Variants in MIEN1 observed in about 807,000 individuals in gnomAD.
MIEN1 encodes migration and invasion enhancer 1.
Under a neutral mutation model 15.5 loss-of-function variants are expected in MIEN1, and 12 were observed. The observed-to-expected ratio is 0.78, with a 90% CI of 0.50 to 1.26. The LOEUF (loss-of-function observed/expected upper bound fraction) is 1.26, where lower values mean the gene tolerates loss of function less well. MIEN1 is among the 50% of genes most tolerant of loss of function. The pLI, the probability that MIEN1 is intolerant of heterozygous loss-of-function variation, is 0.00. For missense variants in MIEN1, 160 were observed against 151.7 expected, an observed-to-expected ratio of 1.05 and a Z score of -0.29; for synonymous variants, 63 against 62.8, an observed-to-expected ratio of 1.00 and a Z score of -0.02.
In MIEN1 at chr17:39,728,702, T is replaced by C. The variant is rs2059906450; in HGVS notation, c.*820A>G. 4.4e-6 allele frequency: 1 copy of C among 227,794 alleles called. No individual in the cohort carries two copies. 14.1% of individuals were successfully genotyped at this position (227,794 alleles called of 1,614,324 possible). A position where few individuals can be genotyped will look rare whatever the true frequency, so the allele number is the denominator to read the frequency against. Reference sequence around the variant, plus strand: ...TCTGGGGGTGGCTCTGTGCCATCCCTTCCTGCTCACCTTACACTCAATTCC... The same window carrying C: ...TCTGGGGGTGGCTCTGTGCCATCCCCTCCTGCTCACCTTACACTCAATTCC... On this transcript the variant is annotated 3_prime_UTR_variant, in exon 4 of 4. Transcript: ENST00000394231.
chr17:39,729,732 G>T lies in MIEN1; in HGVS notation c.217C>A (p.Leu73Met). 1 of 1,614,098 alleles carries T rather than the reference G, an allele frequency of 6.2e-7. No individual in the cohort carries two copies. Among genetic ancestry groups the T allele is most frequent in the Non-Finnish European group, 8.5e-7 (1 of 1,179,986 alleles). Residue 73 changes from leucine to methionine, a missense_variant, in exon 3 of 4, where the codon CTG becomes ATG. By Grantham distance (15) the Leu-to-Met change is conservative. Coordinates refer to ENST00000394231, the MANE Select transcript of MIEN1 (RefSeq NM_032339.5). ...CCATTCTCCAGCTTGGAGAACACCA[G>T]CTGTCCATTTATCTCTATCTCAAAG... Reference protein sequence around the residue: ...GAFEIEINGQLVFSKLENGGF... With the variant: ...GAFEIEINGQMVFSKLENGGF...
rs2059908688 is a variant in MIEN1 at position 39,728,810 on chromosome 17, G to T, written c.*712C>A. The T allele has an allele frequency of 1.5e-5, 3 of 205,334 alleles. No homozygotes were observed. Among genetic ancestry groups the T allele is most frequent in the East Asian group, 7.4e-5 (1 of 13,584 alleles). 12.7% of individuals were successfully genotyped at this position (205,334 alleles called of 1,614,324 possible). A position where few individuals can be genotyped will look rare whatever the true frequency, so the allele number is the denominator to read the frequency against. Reference sequence around the variant, plus strand: ...ATCCAGTTCTCCAGCTTCAGGGTTGGGGGAGATCGGGAAGCTGGATTCAGA... The same window carrying T: ...ATCCAGTTCTCCAGCTTCAGGGTTGTGGGAGATCGGGAAGCTGGATTCAGA... On this transcript the variant is annotated 3_prime_UTR_variant, in exon 4 of 4. Transcript: ENST00000394231.
Position 39,729,745 on chromosome 17 carries a change from C to G in MIEN1, c.204G>C (p.Glu68Asp), listed in dbSNP as rs1313471954. Residue 68 changes from glutamate to aspartate, a missense_variant, in exon 3 of 4, where the codon GAG (glutamate) becomes GAC (aspartate). Transcript: ENST00000394231. ...RLGGTGAFEI[E>D]INGQLVFSKL... Reference sequence around the variant, plus strand: ...TGGAGAACACCAGCTGTCCATTTATCTCTATCTCAAAGGCACCTGGTAAGA... The same window carrying G: ...TGGAGAACACCAGCTGTCCATTTATGTCTATCTCAAAGGCACCTGGTAAGA... 6.2e-7 allele frequency: 1 copy of G among 1,614,046 alleles called. No homozygotes were observed. The highest frequency in any genetic ancestry group is 8.5e-7 in the Non-Finnish European group (1 of 1,180,020).
At position 39,729,391 on chromosome 17, in the gene MIEN1, C is replaced by G; in HGVS notation, c.*131G>C. 1.7e-6 allele frequency: 2 copies of G among 1,153,578 alleles called. No individual in the cohort carries two copies. Among genetic ancestry groups the G allele is most frequent in the Admixed American group, 2.2e-5 (1 of 45,748 alleles). The allele number at this position is 1,153,578 out of a possible 1,614,324, so 71.5% of individuals were successfully genotyped here. A position where few individuals can be genotyped will look rare whatever the true frequency, so the allele number is the denominator to read the frequency against. ...CTATTCCTTCTTTGTACCCAAAGGGCAAAGTGGAGGCCAGGGTCTCTTTGC... is the reference window on the plus strand; with the variant it reads ...CTATTCCTTCTTTGTACCCAAAGGGGAAAGTGGAGGCCAGGGTCTCTTTGC... On this transcript the variant is annotated 3_prime_UTR_variant, in exon 4 of 4. Transcript: ENST00000394231.
chr17:39,730,509 G>T lies in MIEN1; in HGVS notation c.-14C>A. The T allele has an allele frequency of 1.3e-6, 2 of 1,526,712 alleles. No homozygotes were observed. The highest frequency in any genetic ancestry group is 1.2e-5 in the South Asian group (1 of 83,112). The allele number at this position is 1,526,712 out of a possible 1,614,324, so 94.6% of individuals were successfully genotyped here. A position where few individuals can be genotyped will look rare whatever the true frequency, so the allele number is the denominator to read the frequency against. On this transcript the variant is annotated 5_prime_UTR_variant, in exon 1 of 4. Transcript: ENST00000394231. ...CTCCCCGCTCATCGCGGCCGGCTCC[G>T]CTCGGGCCCCTGCTTCCGGGTGTGA... is the stretch of plus-strand genomic sequence containing the variant.
chr17:39,729,900 A>C, intron 2 of MIEN1, 139 bp from the exon 3 acceptor site: 1 of 1,123,948 alleles, frequency 8.9e-7, no homozygotes, highest in Non-Finnish European at 1.3e-6. Context: ...CAATTCCCCA[A>C]CCCTGGGTCA....
rs1290843356 is a variant in MIEN1 at position 39,728,820 on chromosome 17, G to A, written c.*702C>T. 4.9e-6 allele frequency: 1 copy of A among 204,404 alleles called. No homozygotes were observed. The highest frequency in any genetic ancestry group is 7.5e-5 in the East Asian group (1 of 13,420). 12.7% of individuals were successfully genotyped at this position (204,404 alleles called of 1,614,324 possible). A position where few individuals can be genotyped will look rare whatever the true frequency, so the allele number is the denominator to read the frequency against. On this transcript the variant is annotated 3_prime_UTR_variant, in exon 4 of 4. Transcript: ENST00000394231. ...CCAGCTTCAGGGTTGGGGGAGATCG[G>A]GAAGCTGGATTCAGATCTGAGAGCC...
Position 39,730,215 on chromosome 17 carries a change from C to T in MIEN1, c.166G>A (p.Glu56Lys). The T allele has an allele frequency of 1.9e-6, 3 of 1,608,016 alleles. No individual in the cohort carries two copies. The South Asian group carries it at 3.3e-5, about 18-fold the overall frequency. ...VKEQYPGIEI[E>K]SRLGGTGAFE... The stretch of plus-strand genomic sequence containing the variant: ...TCACCTGTGCCCCCGAGGCGCGACT[C>T]GATCTCGATGCCCGGATACTGCTCC... The change falls in exon 2 of 4, where the codon GAG (glutamate) becomes AAG (lysine). Residue 56 changes from glutamate (E) to lysine (K), a missense_variant. By Grantham distance (56) the Glu-to-Lys change is moderately conservative (BLOSUM62 1). Transcript: ENST00000394231.
At chr17:39,729,883 C>A in intron 2 of MIEN1, 122 bp from the exon 3 acceptor site, 1 of 1,301,404 alleles carries the variant, frequency 7.7e-7, no homozygotes, top group Non-Finnish European at 1.1e-6. Context: ...ATTTGTAGCT[C>A]CTTAAGCAAT....
chr17:39,730,319 TG>T, intron 1 of MIEN1, 28 bp from the exon 2 acceptor site: 1 of 1,546,100 alleles, frequency 6.5e-7, no homozygotes. Context: ...GGGGCTGGGC[TG>T]GGGATTCGGG....
rs149830392 is a variant in MIEN1, at chr17:39,729,889, G to C, written c.188-128C>G. On this transcript the variant is annotated intron_variant, in intron 2 of 3. Coordinates refer to ENST00000394231, the MANE Select transcript of MIEN1 (RefSeq NM_032339.5). ...TGGAGACCCATTTGTAGCTCCTTAA[G>C]CAATTCCCCAACCCTGGGTCAACTC... The C allele has an allele frequency of 4.0e-6, 5 of 1,238,910 alleles. No individual in the cohort carries two copies. In the African/African-American group the frequency reaches 7.5e-5, roughly 18 times the overall value. 76.7% of individuals were successfully genotyped at this position (1,238,910 alleles called of 1,614,324 possible). A position where few individuals can be genotyped will look rare whatever the true frequency, so the allele number is the denominator to read the frequency against.
chr17:39,729,653 C>G (rs1396886321), intron 3 of MIEN1, 32 bp downstream of exon 3: 7 of 1,614,110 alleles, frequency 4.3e-6, no homozygotes, highest in Non-Finnish European at 5.9e-6. Flanking sequence ...GTAGGGTGAC[C>G]AAGAGGTCCT....
chr17:39,730,264 G>A lies in MIEN1; in HGVS notation c.117C>T (p.Tyr39=). ...YCEPCGFEAT[Y]LELASAVKEQ... ...CCTTCACAGCACTGGCCAGCTCCAG[G>A]TAGGTCGCCTCGAAGCCGCAGGGTT... Residue 39 remains tyrosine (Y), a synonymous_variant, in exon 2 of 4, where the codon TAC becomes TAT. Coordinates refer to ENST00000394231, the MANE Select transcript of MIEN1 (RefSeq NM_032339.5). 1.2e-6 allele frequency: 2 copies of A among 1,609,184 alleles called. No homozygotes were observed. The highest frequency in any genetic ancestry group is 1.7e-6 in the Non-Finnish European group (2 of 1,179,490).
chr17:39,730,069 G>A (rs576641463), intron 2 of MIEN1, 125 bp downstream of exon 2: 2 of 957,414 alleles, frequency 2.1e-6, no homozygotes, highest in African/African-American at 1.6e-5. Context: ...CATGTTGGCC[G>A]GACATTTTAC....
chr17:39,729,746 T>G lies in MIEN1; in HGVS notation c.203A>C (p.Glu68Ala). 6.2e-7 allele frequency: 1 copy of G among 1,614,110 alleles called. No individual in the cohort carries two copies. Among genetic ancestry groups the G allele is most frequent in the South Asian group, 1.1e-5 (1 of 91,080 alleles). The change falls in exon 3 of 4, where the codon GAG (glutamate) becomes GCG (alanine). Residue 68 changes from glutamate to alanine, a missense_variant. By Grantham distance (107) the Glu-to-Ala change is moderately radical. Coordinates refer to ENST00000394231, the MANE Select transcript of MIEN1 (RefSeq NM_032339.5). ...RLGGTGAFEI[E>A]INGQLVFSKL... The stretch of plus-strand genomic sequence containing the variant: ...GGAGAACACCAGCTGTCCATTTATC[T>G]CTATCTCAAAGGCACCTGGTAAGAA...
Position 39,729,602 on chromosome 17 carries a change from T to C in MIEN1, c.268A>G (p.Ile90Val). The part of the protein sequence containing the change: ...NGGFPYEKDL[I>V]EAIRRASNGE... The stretch of plus-strand genomic sequence containing the variant: ...TTACTGGCTCTTCGGATGGCCTCAA[T>C]GAGCTAGAGGAGTGGAATGACAGGA... Residue 90 changes from isoleucine to valine, a missense_variant, in exon 4 of 4, where the codon ATT becomes GTT. By Grantham distance (29) the Ile-to-Val change is conservative. Coordinates refer to ENST00000394231, the MANE Select transcript of MIEN1 (RefSeq NM_032339.5). 1 of 1,612,540 alleles carries C rather than the reference T, an allele frequency of 6.2e-7. No homozygotes were observed. The highest frequency in any genetic ancestry group is 2.2e-5 in the East Asian group (1 of 44,878).
In MIEN1 at chr17:39,728,851, AC is replaced by A. The variant is rs1386955704; in HGVS notation, c.*670del. 1 of 196,462 alleles carries A rather than the reference AC, an allele frequency of 5.1e-6. No homozygotes were observed. The highest frequency in any genetic ancestry group is 1.1e-5 in the Non-Finnish European group (1 of 94,872). The allele number at this position is 196,462 out of a possible 1,614,324, so 12.2% of individuals were successfully genotyped here. A position where few individuals can be genotyped will look rare whatever the true frequency, so the allele number is the denominator to read the frequency against. Reference sequence around the variant, plus strand: ...TGGATTCAGATCTGAGAGCCCTTTGACGACCAGATCATTCTTATTTAGAACG... The same window carrying A: ...TGGATTCAGATCTGAGAGCCCTTTGAGACCAGATCATTCTTATTTAGAACG... On this transcript the variant is annotated 3_prime_UTR_variant, in exon 4 of 4. Coordinates refer to ENST00000394231, the MANE Select transcript of MIEN1 (RefSeq NM_032339.5).
chr17:39,729,333 GTC>G lies in MIEN1; in HGVS notation c.*187_*188del. ...GGCTGGAGAAGTGTTCATGGAGAGT[GTC>G]TCTCTCCTGCCCCCAAGGCCACGGA... On this transcript the variant is annotated 3_prime_UTR_variant, in exon 4 of 4. Transcript: ENST00000394231. 1.5e-6 allele frequency: 1 copy of G among 671,046 alleles called. No individual in the cohort carries two copies. The highest frequency in any genetic ancestry group is 1.9e-5 in the South Asian group (1 of 53,292). 41.6% of individuals were successfully genotyped at this position (671,046 alleles called of 1,614,324 possible).
chr17:39,729,347 C>T lies in MIEN1; in HGVS notation c.*175G>A, dbSNP rs56343992. 1 of 753,158 alleles carries T rather than the reference C, an allele frequency of 1.3e-6. No homozygotes were observed. Among genetic ancestry groups the T allele is most frequent in the South Asian group, 1.8e-5 (1 of 56,510 alleles). 46.7% of individuals were successfully genotyped at this position (753,158 alleles called of 1,614,324 possible). ...TCATGGAGAGTGTCTCTCTCCTGCCCCCAAGGCCACGGAATCTTCTATTCC... is the reference window on the plus strand; with the variant it reads ...TCATGGAGAGTGTCTCTCTCCTGCCTCCAAGGCCACGGAATCTTCTATTCC... On this transcript the variant is annotated 3_prime_UTR_variant, in exon 4 of 4. Transcript: ENST00000394231.
Sources: allele counts gnomAD v4.1 joint callset, GRCh38; gene constraint gnomAD v4.1.1; transcripts MANE v1.5; gene names NCBI Gene and HGNC (gene_info 2026-07-23, HGNC 2026-07-21).